Variants in BMPR1A observed in about 807,000 individuals in gnomAD.
The protein encoded by BMPR1A is bone morphogenetic protein receptor type 1A, also known as bone morphogenetic protein receptor type-1A.
A neutral mutation model predicts 66.0 loss-of-function variants in BMPR1A; 7 were observed. The observed-to-expected ratio is 0.11, with a 90% confidence interval of 0.06 to 0.20. BMPR1A has a LOEUF of 0.20. Ranked by LOEUF, BMPR1A falls within the 10% of genes least tolerant of loss-of-function variation. BMPR1A has a pLI of 1.00. For missense variants in BMPR1A, 408 were observed against 669.1 expected, an observed-to-expected ratio of 0.61 and a Z score of 4.31; for synonymous variants, 200 against 229.7, an observed-to-expected ratio of 0.87 and a Z score of 1.17.
intron 7 of BMPR1A, among the ~76,000 whole-genome samples, chr10:86,902,573 C>G (rs1189889171): frequency 6.6e-6 from 1 of 152,162 alleles, no homozygotes; most frequent in African/African-American, 2.4e-5. Context: ...TGTTAGGGCC[C>G]AGTGAAATGG....
At chr10:86,799,514 T>TCCTTCCTTC (rs1564688865) in intron 1 of BMPR1A, among the ~76,000 whole-genome samples, 336 of 137,254 alleles carry the variant, frequency 2.4e-3, no homozygotes, top group Non-Finnish European at 3.4e-3. Flanking sequence ...TCCTTTCTTT[T>TCCTTCCTTC]CTTTTCTTTT....
intron 5 of BMPR1A, among the ~76,000 whole-genome samples, chr10:86,898,356 A>G (rs999375231): frequency 3.9e-5 from 6 of 152,162 alleles, no homozygotes; most frequent in Middle Eastern, 3.2e-3. Context: ...CCATCTTTCT[A>G]AAGTCTTTAA....
chr10:86,818,654 T>C (rs1564694277), intron 1 of BMPR1A, among the ~76,000 whole-genome samples: 1 of 152,148 alleles, frequency 6.6e-6, no homozygotes, highest in Non-Finnish European at 1.5e-5. Context: ...ATAAGTACTA[T>C]TTATTATTGA....
At position 86,793,118 on chromosome 10, in the gene BMPR1A, C is replaced by T. The variant is rs1371696080; in HGVS notation, c.-268+36199C>T. Among the ~76,000 whole-genome samples, 4 of 149,454 alleles carry T rather than the reference C, an allele frequency of 2.7e-5. No homozygotes were observed. The East Asian group carries it at 7.9e-4, about 30-fold the overall frequency. Reference sequence around the variant, plus strand: ...TACCCCCCCCCACCCCCCGCCACCCCACACACACATGGTGGTGTGGACAAG... The same window carrying T: ...TACCCCCCCCCACCCCCCGCCACCCTACACACACATGGTGGTGTGGACAAG... On this transcript the variant is annotated intron_variant, in intron 1 of 12. Transcript: ENST00000372037.
intron 5 of BMPR1A, among the ~76,000 whole-genome samples, chr10:86,896,815 C>T (rs1460686289): frequency 6.6e-6 from 1 of 152,252 alleles, no homozygotes; most frequent in African/African-American, 2.4e-5. Context: ...CTGAAAAATA[C>T]GTGAAGGATA....
At chr10:86,793,864 G>T (rs1841666553) in intron 1 of BMPR1A, among the ~76,000 whole-genome samples, 1 of 152,142 alleles carries the variant, frequency 6.6e-6, no homozygotes, top group Non-Finnish European at 1.5e-5. Context: ...GAAGTTCTAA[G>T]GAAGTATGGA....
chr10:86,812,512 A>G (rs1353428495), intron 1 of BMPR1A, among the ~76,000 whole-genome samples: 2 of 152,136 alleles, frequency 1.3e-5, no homozygotes, highest in Non-Finnish European at 2.9e-5. Context: ...CATAGGTTAC[A>G]TTTCACCAGC....
chr10:86,879,325 A>T (rs1002839856), intron 3 of BMPR1A, among the ~76,000 whole-genome samples: 4 of 152,220 alleles, frequency 2.6e-5, no homozygotes, highest in African/African-American at 9.6e-5. Flanking sequence ...CCTCTCCCCA[A>T]CAGACTTCCT....
chr10:86,760,221 G>GT (rs1219666015), intron 1 of BMPR1A, among the ~76,000 whole-genome samples: 1 of 25,748 alleles, frequency 3.9e-5, no homozygotes, highest in African/African-American at 1.7e-4. Context: ...ATACCTTATT[G>GT]TTTTTTCTTT....
chr10:86,859,419 T>C (rs1763316738), intron 2 of BMPR1A, among the ~76,000 whole-genome samples: 1 of 152,008 alleles, frequency 6.6e-6, no homozygotes, highest in African/African-American at 2.4e-5. Context: ...TCCTCCTGCC[T>C]TGGCCTCTCA....
intron 2 of BMPR1A, among the ~76,000 whole-genome samples, chr10:86,843,980 C>G (rs946870047): frequency 6.6e-6 from 1 of 152,016 alleles, no homozygotes; most frequent in Non-Finnish European, 1.5e-5. Context: ...GAAGGGACAC[C>G]GATGTGTGAC....
intron 1 of BMPR1A, among the ~76,000 whole-genome samples, chr10:86,782,760 A>G (rs1425663114): frequency 6.6e-6 from 1 of 151,892 alleles, no homozygotes; most frequent in African/African-American, 2.4e-5. Context: ...TTAAACCCCT[A>G]TCCAATACAT....
intron 7 of BMPR1A, among the ~76,000 whole-genome samples, chr10:86,902,076 T>C (rs1276566146): frequency 1.3e-5 from 2 of 152,252 alleles, no homozygotes; most frequent in East Asian, 3.9e-4. Flanking sequence ...ACCAGGCTGG[T>C]CTCAAACTCC....
intron 1 of BMPR1A, among the ~76,000 whole-genome samples, chr10:86,804,957 G>C (rs531212687): frequency 9.9e-5 from 15 of 152,026 alleles, no homozygotes; most frequent in Non-Finnish European, 1.6e-4. Flanking sequence ...AAGGTACCAG[G>C]GAAGGATCTG....
intron 5 of BMPR1A, among the ~76,000 whole-genome samples, chr10:86,895,560 A>T (rs1489399478): frequency 6.6e-6 from 1 of 152,098 alleles, no homozygotes; most frequent in Non-Finnish European, 1.5e-5. Context: ...ATTATGGGAC[A>T]ATGGTATAAT....
At chr10:86,859,670 C>G (rs1210754223) in intron 2 of BMPR1A, among the ~76,000 whole-genome samples, 2 of 152,086 alleles carry the variant, frequency 1.3e-5, no homozygotes, top group Non-Finnish European at 2.9e-5. Flanking sequence ...ATTAACCAGG[C>G]TTGCTGGCAT....
At chr10:86,865,412 C>A (rs1039074129) in intron 2 of BMPR1A, among the ~76,000 whole-genome samples, 1 of 152,200 alleles carries the variant, frequency 6.6e-6, no homozygotes, top group Non-Finnish European at 1.5e-5. Context: ...CCCCACTCTG[C>A]CCGCCAGAGA....
At chr10:86,778,217 G>A (rs1793345731) in intron 1 of BMPR1A, among the ~76,000 whole-genome samples, 1 of 148,342 alleles carries the variant, frequency 6.7e-6, no homozygotes, top group African/African-American at 2.6e-5. Context: ...CTTAAAACAT[G>A]AGATTTTTTT....
chr10:86,866,461 T>G (rs1842789762), intron 2 of BMPR1A, among the ~76,000 whole-genome samples: 1 of 134,946 alleles, frequency 7.4e-6, no homozygotes, highest in Admixed American at 8.6e-5. Context: ...TGAGCTGGAG[T>G]GCAGTGGTGT....
Sources: gnomAD v4.1 joint callset for allele counts (sites outside exome capture counted in the v4.1 genomes callset) on GRCh38, gnomAD v4.1.1 for gene constraint, MANE v1.5 for transcripts, NCBI Gene and HGNC (gene_info 2026-07-23, HGNC 2026-07-21) for gene names.